Variants in ABCC4 observed in about 807,000 individuals in gnomAD.
The protein encoded by ABCC4 is ATP binding cassette subfamily C member 4 (PEL blood group).
In ABCC4, 102 loss-of-function variants were observed where a neutral mutation model predicts 168.5. The ratio of observed to expected loss-of-function variants is 0.61; its 90% CI spans 0.52 to 0.71. The LOEUF (loss-of-function observed/expected upper bound fraction) is 0.71, where lower values mean the gene tolerates loss of function less well. Among genes scored for constraint, ABCC4 ranks in the 30% least tolerant of loss-of-function variants. The pLI is 0.00. For synonymous variants in ABCC4, 617 were observed against 590.7 expected, an observed-to-expected ratio of 1.04 and a Z score of -0.65; for missense variants, 1,402 against 1,605.8, an observed-to-expected ratio of 0.87 and a Z score of 2.17.
At chr13:95,284,490 A>G (rs890787181) in intron 1 of ABCC4, among the ~76,000 whole-genome samples, 1 of 152,176 alleles carries the variant, frequency 6.6e-6, no homozygotes, top group South Asian at 2.1e-4. Flanking sequence ...TGCCCAGCCA[A>G]CTGAGCCACT....
intron 24 of ABCC4, 39 bp downstream of exon 24, chr13:95,073,165 G>A (rs771230786): frequency 6.6e-7 from 1 of 1,505,234 alleles, no homozygotes; most frequent in African/African-American, 1.4e-5. Flanking sequence ...TTAATGGCAA[G>A]GAGATTGAAA....
At chr13:95,289,845 C>T (rs370108857) in intron 1 of ABCC4, among the ~76,000 whole-genome samples, 9 of 152,148 alleles carry the variant, frequency 5.9e-5, no homozygotes, top group African/African-American at 1.4e-4. Context: ...ACCTGTAATC[C>T]CAGCATTTTG....
At chr13:95,037,461 A>G (rs1232109748) in intron 29 of ABCC4, among the ~76,000 whole-genome samples, 1 of 152,238 alleles carries the variant, frequency 6.6e-6, no homozygotes, top group Non-Finnish European at 1.5e-5. Context: ...GATGAGCAAG[A>G]AACAGTCTAT....
intron 19 of ABCC4, among the ~76,000 whole-genome samples, chr13:95,120,634 C>T (rs2035537391): frequency 1.4e-5 from 2 of 147,574 alleles, no homozygotes. Context: ...GCCAGAAGTA[C>T]AGAGAGAGGG....
intron 29 of ABCC4, among the ~76,000 whole-genome samples, chr13:95,037,702 C>T (rs1346252726): frequency 1.3e-5 from 2 of 152,130 alleles, no homozygotes; most frequent in Admixed American, 1.3e-4. Flanking sequence ...TTTTCTAAGA[C>T]ACCTTTTCAT....
At position 95,071,889 on chromosome 13, in the gene ABCC4, G is replaced by C. The variant is rs748870726; in HGVS notation, c.3019-36C>G. 4 of 1,384,878 alleles carry C rather than the reference G, an allele frequency of 2.9e-6. No homozygotes were observed. In the African/African-American group the frequency reaches 4.4e-5, roughly 15 times the overall value. 85.8% of individuals were successfully genotyped at this position (1,384,878 alleles called of 1,614,324 possible). A position where few individuals can be genotyped will look rare whatever the true frequency, so the allele number is the denominator to read the frequency against. The stretch of plus-strand genomic sequence containing the variant: ...TATGACATCCCGAGGGGTTAGGAAT[G>C]GAGGGTGTCATTTATGGATGTTAAG... On this transcript the variant is annotated intron_variant, in intron 24 of 30. Transcript: ENST00000645237.
intron 20 of ABCC4, among the ~76,000 whole-genome samples, chr13:95,098,335 TAAC>T (rs2034681828): frequency 6.6e-6 from 1 of 152,002 alleles, no homozygotes; most frequent in Admixed American, 6.6e-5. Flanking sequence ...TAAATCAATG[TAAC>T]TTAAAAAATA....
intron 1 of ABCC4, among the ~76,000 whole-genome samples, chr13:95,250,983 T>C (rs1423817068): frequency 6.6e-6 from 1 of 152,096 alleles, no homozygotes; most frequent in Admixed American, 6.5e-5. Context: ...AGACCAGGTC[T>C]CTCTATGTTG....
Position 95,046,325 on chromosome 13 carries a change from C to G in ABCC4, c.3457-1887G>C, listed in dbSNP as rs1355857386. Among the ~76,000 whole-genome samples the G allele has an allele frequency of 3.3e-5, 5 of 152,156 alleles. No individual in the cohort carries two copies. In the East Asian group the frequency reaches 9.6e-4, roughly 29 times the overall value. ...ATTAAGGGGCCAACCCATCATTCTT[C>G]TGGGTTTTGACCCTCCTTGAGGTTA... On this transcript the variant is annotated intron_variant, in intron 27 of 30. Coordinates refer to ENST00000645237, the MANE Select transcript of ABCC4 (RefSeq NM_005845.5).
chr13:95,173,326 T>C (rs995047082), intron 13 of ABCC4, among the ~76,000 whole-genome samples: 1 of 152,142 alleles, frequency 6.6e-6, no homozygotes, highest in Non-Finnish European at 1.5e-5. Context: ...CGCAGTCTAG[T>C]GCGGGGGCTG....
At chr13:95,273,816 G>GTTTGTTTT (rs2040903008) in intron 1 of ABCC4, among the ~76,000 whole-genome samples, 1 of 98,654 alleles carries the variant, frequency 1.0e-5, no homozygotes. Flanking sequence ...TTTTTGGTTT[G>GTTTGTTTT]TTTTTTTTTT....
intron 19 of ABCC4, among the ~76,000 whole-genome samples, chr13:95,140,780 T>A (rs1286932140): frequency 1.3e-5 from 2 of 152,206 alleles, no homozygotes; most frequent in African/African-American, 4.8e-5. Flanking sequence ...GTTCTTCCCC[T>A]TTTTCCTCCA....
rs138943473 is a variant in ABCC4 at position 95,273,215 on chromosome 13, A to T, written c.75-25462T>A. On this transcript the variant is annotated intron_variant, in intron 1 of 30. Coordinates refer to ENST00000645237, the MANE Select transcript of ABCC4 (RefSeq NM_005845.5). Reference sequence around the variant, plus strand: ...ACCAAAGTCGCCAAACCAATAGCACATGTGTTACAATTATTTGGGGGCATT... The same window carrying T: ...ACCAAAGTCGCCAAACCAATAGCACTTGTGTTACAATTATTTGGGGGCATT... 3.8e-3 allele frequency among the ~76,000 whole-genome samples: 573 copies of T among 152,324 alleles called. 6 individuals carry two copies. Among genetic ancestry groups the T allele is most frequent in the African/African-American group, 0.013 (540 of 41,568 alleles).
intron 8 of ABCC4, among the ~76,000 whole-genome samples, chr13:95,200,179 C>A (rs1000239289): frequency 2.6e-5 from 4 of 152,204 alleles, no homozygotes; most frequent in African/African-American, 9.7e-5. Context: ...CCAGCTTAAG[C>A]TAGGTGCTCA....
chr13:95,179,809 T>C (rs1454550031), intron 11 of ABCC4, among the ~76,000 whole-genome samples: 1 of 152,146 alleles, frequency 6.6e-6, no homozygotes, highest in Non-Finnish European at 1.5e-5. Flanking sequence ...CATTGAGATC[T>C]CCATGACAAG....
At chr13:95,167,164 C>T (rs969891771) in intron 14 of ABCC4, among the ~76,000 whole-genome samples, 34 of 149,570 alleles carry the variant, frequency 2.3e-4, no homozygotes, top group African/African-American at 3.2e-4. Context: ...ATGACAAGAG[C>T]GAAACTCCAT....
chr13:95,133,403 C>T (rs2036041497), intron 19 of ABCC4, among the ~76,000 whole-genome samples: 2 of 152,008 alleles, frequency 1.3e-5, no homozygotes, highest in African/African-American at 4.8e-5. Flanking sequence ...TATGAGCCAC[C>T]ACACCCAGTC....
chr13:95,298,740 TG>T (rs1362551355), intron 1 of ABCC4, among the ~76,000 whole-genome samples: 1 of 152,144 alleles, frequency 6.6e-6, no homozygotes, highest in Non-Finnish European at 1.5e-5. Context: ...CCAAAGAGGC[TG>T]GGGAGCCAGT....
chr13:95,227,728 A>G (rs761268588), intron 4 of ABCC4, among the ~76,000 whole-genome samples: 7 of 152,172 alleles, frequency 4.6e-5, no homozygotes, highest in Non-Finnish European at 7.3e-5. Flanking sequence ...CTTTTTTTTA[A>G]AGAAGAGTCT....
Sources: gnomAD v4.1 joint callset for allele counts (sites outside exome capture counted in the v4.1 genomes callset) on GRCh38, gnomAD v4.1.1 for gene constraint, MANE v1.5 for transcripts, NCBI Gene and HGNC (gene_info 2026-07-23, HGNC 2026-07-21) for gene names.